EPHX2: variants seen among roughly 807,000 people sequenced by gnomAD.
EPHX2 encodes epoxide hydrolase 2, also known as bifunctional epoxide hydrolase 2.
A neutral mutation model predicts 78.7 loss-of-function variants in EPHX2; 74 were observed. The observed-to-expected ratio is 0.94, with a 90% CI of 0.78 to 1.14. The LOEUF (loss-of-function observed/expected upper bound fraction) is 1.14. Among genes scored for constraint, EPHX2 ranks in the 50% most tolerant of loss-of-function variants. The pLI, the probability that EPHX2 is intolerant of heterozygous loss-of-function variation, is 0.00. For synonymous variants in EPHX2, 251 were observed against 255.2 expected (o/e 0.98, Z 0.16); for missense variants, 715 against 702.5 (o/e 1.02, Z -0.20).
At chr8:27,525,332 G>A (rs1814805447) in intron 11 of EPHX2, 30 bp from the exon 12 acceptor site, 2 of 1,595,802 alleles carry the variant, frequency 1.3e-6, no homozygotes, top group African/African-American at 1.3e-5. Flanking sequence ...TCTTACAGGG[G>A]CTATGTCTTG....
At chr8:27,530,865 G>C (rs902743864) in intron 12 of EPHX2, among the ~76,000 whole-genome samples, 3 of 150,618 alleles carry the variant, frequency 2.0e-5, no homozygotes, top group Non-Finnish European at 4.4e-5. Flanking sequence ...CCGGGTTCAA[G>C]TGATTCTCCT....
chr8:27,512,587 G>A lies in EPHX2; in HGVS notation c.735+677G>A, dbSNP rs568351510. 8.5e-5 allele frequency among the ~76,000 whole-genome samples: 13 copies of A among 152,346 alleles called. No individual in the cohort carries two copies. In the South Asian group the frequency reaches 2.7e-3, roughly 32 times the overall value. On this transcript the variant is annotated intron_variant, in intron 6 of 18. Coordinates refer to ENST00000521400, the MANE Select transcript of EPHX2 (RefSeq NM_001979.6). ...CTGGCTGAGACATCTAACTTGGCTT[G>A]CTGACACAGAGCAGGGGTTTAGTAC... is the stretch of plus-strand genomic sequence containing the variant.
At chr8:27,548,479 G>A (rs1268487328), downstream of EPHX2, among the ~76,000 whole-genome samples, 3 of 152,282 alleles carry the variant, frequency 2.0e-5, no homozygotes, top group Admixed American at 6.5e-5. Context: ...ATGTGTAACT[G>A]TCTGTCTCCC....
At chr8:27,491,917 T>C (rs1272047287) in intron 1 of EPHX2, among the ~76,000 whole-genome samples, 1 of 152,074 alleles carries the variant, frequency 6.6e-6, no homozygotes, top group Non-Finnish European at 1.5e-5. Flanking sequence ...TTAGGAATAA[T>C]GTAATGATTT....
chr8:27,537,927 A>G (rs1815264847), intron 13 of EPHX2, among the ~76,000 whole-genome samples: 1 of 152,136 alleles, frequency 6.6e-6, no homozygotes, highest in Non-Finnish European at 1.5e-5. Context: ...ATCTGTACCC[A>G]TCTGCTTCAA....
downstream of EPHX2, among the ~76,000 whole-genome samples, chr8:27,546,212 C>T (rs994887443): frequency 4.6e-5 from 7 of 151,864 alleles, no homozygotes; most frequent in South Asian, 2.1e-4. Flanking sequence ...GCTGCATACT[C>T]GCCTTGTGAC....
rs768779440 is a variant in EPHX2, at chr8:27,506,892, C to A, written c.558C>A (p.Ile186=). 32 of 1,613,458 alleles carry A rather than the reference C, an allele frequency of 2.0e-5. No individual in the cohort carries two copies. The East Asian group carries it at 6.2e-4, about 31-fold the overall frequency. ...CTCAGGTCGTTTTTTTGGATGACAT[C>A]GGGGCTAATCTGAAGCCAGCCCGTG... ...SPSEVVFLDD[I]GANLKPARDL... is the part of the protein sequence containing the mutation. The change falls in exon 5 of 19, where the codon ATC becomes ATA. Residue 186 remains isoleucine, a synonymous_variant. Transcript: ENST00000521400.
Position 27,518,089 on chromosome 8 carries a change from G to A in EPHX2, c.945+17G>A, listed in dbSNP as rs766324746. 6 of 1,594,330 alleles carry A rather than the reference G, an allele frequency of 3.8e-6. No individual in the cohort carries two copies. The highest frequency in any genetic ancestry group is 2.7e-5 in the African/African-American group (2 of 73,836). ...TTATGTAAGGTAAGAAGAATCTTGG[G>A]TAACATCTTCCCCATCCTGCGATTT... On this transcript the variant is annotated intron_variant, in intron 9 of 18. Coordinates refer to ENST00000521400, the MANE Select transcript of EPHX2 (RefSeq NM_001979.6).
chr8:27,543,915 C>A, intron 17 of EPHX2, 86 bp downstream of exon 17: 1 of 1,391,356 alleles, frequency 7.2e-7, no homozygotes, highest in Non-Finnish European at 1.0e-6. Context: ...GCAGAAGATA[C>A]ACCTTGTCAT....
rs147600494 is a variant in EPHX2 at position 27,511,323 on chromosome 8, G to A, written c.661-513G>A. Among the ~76,000 whole-genome samples, 50 of 152,348 alleles carry A rather than the reference G, an allele frequency of 3.3e-4. No individual in the cohort carries two copies. In the East Asian group the frequency reaches 8.1e-3, roughly 25 times the overall value. On this transcript the variant is annotated intron_variant, in intron 5 of 18. Transcript: ENST00000521400. ...CACATGAGCCTGGGCGACCATCGGA[G>A]GAGCTGCCACAGAAGCAAATAATAT...
At position 27,543,045 on chromosome 8, in the gene EPHX2, G is replaced by A. The variant is rs528713931; in HGVS notation, c.1450-704G>A. On this transcript the variant is annotated intron_variant, in intron 16 of 18. Transcript: ENST00000521400. ...CCCGCCCAGTTCACATTTTAGCTTG[G>A]AACTTTCTAGAGTTTACAAACCTCA... is the stretch of plus-strand genomic sequence containing the variant. Among the ~76,000 whole-genome samples the A allele has an allele frequency of 3.1e-3, 393 of 128,770 alleles. 1 individual carries two copies. The highest frequency in any genetic ancestry group is 0.013 in the Middle Eastern group (2 of 154). 84.5% of individuals were successfully genotyped at this position (128,770 alleles called of 152,430 possible). A position where few individuals can be genotyped will look rare whatever the true frequency, so the allele number is the denominator to read the frequency against.
chr8:27,499,828 C>A (rs1813699900), intron 1 of EPHX2, among the ~76,000 whole-genome samples: 1 of 149,188 alleles, frequency 6.7e-6, no homozygotes, highest in Non-Finnish European at 1.5e-5. Flanking sequence ...CTCTCCTTGG[C>A]TTGTTAACAG....
At chr8:27,536,932 G>T in intron 13 of EPHX2, 77 bp downstream of exon 13, 2 of 1,492,962 alleles carry the variant, frequency 1.3e-6, no homozygotes, top group Non-Finnish European at 1.8e-6. Context: ...GTGTGGCAGG[G>T]ACCAGGAGTA....
chr8:27,536,693 A>G (rs1815222809), intron 12 of EPHX2, 91 bp from the exon 13 acceptor site: 2 of 1,322,008 alleles, frequency 1.5e-6, no homozygotes, highest in Non-Finnish European at 1.1e-6. Context: ...GGGCACAGGT[A>G]GGGTGCTTGT....
intron 9 of EPHX2, among the ~76,000 whole-genome samples, chr8:27,519,479 C>T (rs993326991): frequency 3.3e-5 from 5 of 152,192 alleles, no homozygotes; most frequent in East Asian, 1.9e-4. Context: ...AGCTGTCTTC[C>T]GTCCCCCTCC....
intron 18 of EPHX2, 59 bp from the exon 19 acceptor site, chr8:27,544,385 G>A: frequency 1.2e-6 from 2 of 1,604,580 alleles, no homozygotes; most frequent in South Asian, 1.1e-5. Context: ...GAGTTGGCTG[G>A]GTAGGTGCAG....
At chr8:27,503,031 G>A (rs188665681) in intron 2 of EPHX2, among the ~76,000 whole-genome samples, 4 of 152,232 alleles carry the variant, frequency 2.6e-5, no homozygotes, top group East Asian at 1.9e-4. Context: ...TTAAGAGGTG[G>A]GGCCTTCAGG....
chr8:27,536,452 C>T (rs1815215138), intron 12 of EPHX2, among the ~76,000 whole-genome samples: 1 of 152,090 alleles, frequency 6.6e-6, no homozygotes, highest in African/African-American at 2.4e-5. Flanking sequence ...ACCAGTCAGC[C>T]TCCAACCCAT....
At chr8:27,494,649 T>C (rs946403585) in intron 1 of EPHX2, among the ~76,000 whole-genome samples, 1 of 152,220 alleles carries the variant, frequency 6.6e-6, no homozygotes, top group Non-Finnish European at 1.5e-5. Context: ...AGAGGGGCCT[T>C]ATGATGGACC....
Sources: gnomAD v4.1 joint callset for allele counts (sites outside exome capture counted in the v4.1 genomes callset) on GRCh38, gnomAD v4.1.1 for gene constraint, MANE v1.5 for transcripts, NCBI Gene and HGNC (gene_info 2026-07-23, HGNC 2026-07-21) for gene names.